The following FYB1 variants were observed in gnomAD, a reference collection of about 807,000 sequenced individuals.
FYB1 encodes FYN-binding protein 1.
FYB1 carries 41 observed loss-of-function variants against 94.1 expected under a neutral mutation model. That is an observed-to-expected ratio of 0.44 (90% CI 0.34 to 0.57). The LOEUF (loss-of-function observed/expected upper bound fraction) is 0.57. FYB1 is among the 20% of genes least tolerant of loss of function. The probability of loss-of-function intolerance (pLI) is 0.02; values close to 1 mark genes in which losing one functional copy is unlikely to be tolerated. For synonymous variants in FYB1, 367 were observed against 353.2 expected, an observed-to-expected ratio of 1.04 and a Z score of -0.44; for missense variants, 1,050 against 976.8, an observed-to-expected ratio of 1.07 and a Z score of -1.00.
At chr5:39,252,289 AGT>A (rs3085948) in intron 1 of FYB1, among the ~76,000 whole-genome samples, 48,731 of 152,070 alleles carry the variant, frequency 0.32, 9,452 homozygotes, top group African/African-American at 0.55. Context: ...GATTATGAAG[AGT>A]GTGTAAGAAT....
chr5:39,170,619 TC>T (rs1262471278), intron 2 of FYB1, among the ~76,000 whole-genome samples: 5 of 152,240 alleles, frequency 3.3e-5, no homozygotes, highest in Admixed American at 2.0e-4. Context: ...AGTAGCCTCC[TC>T]ACCAGTTTTT....
At chr5:39,160,688 G>A (rs1321817830) in intron 2 of FYB1, among the ~76,000 whole-genome samples, 6 of 152,126 alleles carry the variant, frequency 3.9e-5, no homozygotes, top group Non-Finnish European at 8.8e-5. Flanking sequence ...ATTAAAATGG[G>A]ACTACTGACT....
At chr5:39,165,158 G>A (rs1272062787) in intron 2 of FYB1, among the ~76,000 whole-genome samples, 1 of 152,104 alleles carries the variant, frequency 6.6e-6, no homozygotes, top group Non-Finnish European at 1.5e-5. Flanking sequence ...TCATATGGAA[G>A]CAAAAAGAGC....
intron 2 of FYB1, among the ~76,000 whole-genome samples, chr5:39,162,030 A>T (rs962682471): frequency 6.6e-6 from 1 of 152,202 alleles, no homozygotes; most frequent in African/African-American, 2.4e-5. Context: ...TAATATTACT[A>T]TCTTATGGCT....
intron 1 of FYB1, among the ~76,000 whole-genome samples, chr5:39,259,076 T>C (rs10039316): frequency 0.31 from 46,814 of 150,442 alleles, 8,513 homozygotes; most frequent in African/African-American, 0.53. Context: ...TTTTGCCCCC[T>C]CACACCACCA....
At chr5:39,260,167 T>C (rs1752153147) in intron 1 of FYB1, among the ~76,000 whole-genome samples, 2 of 152,164 alleles carry the variant, frequency 1.3e-5, no homozygotes, top group South Asian at 4.1e-4. Context: ...AATGATAGAG[T>C]AATGGCTTTG....
rs779881721 is a variant in FYB1, at chr5:39,125,986, G to T, written c.2045+12C>A. 5 of 1,612,208 alleles carry T rather than the reference G, an allele frequency of 3.1e-6. No homozygotes were observed. The highest frequency in any genetic ancestry group is 1.7e-5 in the Admixed American group (1 of 59,828). ...AGTTATTGTACACTGGATTTGGTTG[G>T]TTGACTCTTACGATGAACCTTCATT... is the stretch of plus-strand genomic sequence containing the variant. On this transcript the variant is annotated intron_variant, in intron 12 of 18. Transcript: ENST00000512982.
At chr5:39,130,036 A>T (rs1000529415) in intron 10 of FYB1, among the ~76,000 whole-genome samples, 2 of 151,978 alleles carry the variant, frequency 1.3e-5, no homozygotes, top group Non-Finnish European at 1.5e-5. Flanking sequence ...GGATAAAGAA[A>T]ATTTTGTCTA....
intron 1 of FYB1, among the ~76,000 whole-genome samples, chr5:39,206,487 C>A (rs1748869284): frequency 6.6e-6 from 1 of 152,012 alleles, no homozygotes; most frequent in Admixed American, 6.6e-5. Context: ...AATATCTATT[C>A]AATTATCTAG....
At chr5:39,153,897 C>T (rs149673742) in intron 2 of FYB1, among the ~76,000 whole-genome samples, 65 of 152,210 alleles carry the variant, frequency 4.3e-4, no homozygotes, top group African/African-American at 1.4e-3. Flanking sequence ...CCTCAGCCTC[C>T]TGAGTAGCTG....
intron 9 of FYB1, among the ~76,000 whole-genome samples, chr5:39,132,990 G>A (rs1741339606): frequency 6.6e-6 from 1 of 152,176 alleles, no homozygotes; most frequent in Non-Finnish European, 1.5e-5. Flanking sequence ...TGCATTGTAT[G>A]TTTTGGTATA....
chr5:39,147,474 G>GTGTGTC (rs1277064458), intron 3 of FYB1, among the ~76,000 whole-genome samples: 1 of 151,066 alleles, frequency 6.6e-6, no homozygotes, highest in Non-Finnish European at 1.5e-5. Context: ...GTGTGTGTGT[G>GTGTGTC]TGTGTGTGTG....
chr5:39,118,757 T>C (rs1739796246), intron 16 of FYB1, 117 bp downstream of exon 16: 3 of 587,102 alleles, frequency 5.1e-6, no homozygotes, highest in Non-Finnish European at 8.2e-6. Flanking sequence ...TTACAAAGGA[T>C]AGGGCAAAAA....
chr5:39,271,116 T>C (rs147130028), intron 1 of FYB1, among the ~76,000 whole-genome samples: 95 of 152,200 alleles, frequency 6.2e-4, no homozygotes, highest in African/African-American at 2.2e-3. Context: ...ATAATCATTA[T>C]TAAAAAGAGC....
At chr5:39,171,546 T>C (rs934039792) in intron 2 of FYB1, among the ~76,000 whole-genome samples, 1 of 152,102 alleles carries the variant, frequency 6.6e-6, no homozygotes. Context: ...TGATATAAAA[T>C]AAATGGTGGG....
chr5:39,137,684 C>G lies in FYB1; in HGVS notation c.1431G>C (p.Lys477Asn). 2.6e-6 allele frequency: 4 copies of G among 1,544,808 alleles called. No homozygotes were observed. Among genetic ancestry groups the G allele is most frequent in the Non-Finnish European group, 3.5e-6 (4 of 1,141,066 alleles). ...ASKEREKKREKEEKKRLELEK... is the reference protein window; with the variant it reads ...ASKEREKKRENEEKKRLELEK... ...CCAGCTCTAACCTCTTCTTTTCTTC[C>G]TTTTCCCTTTTCTTCTCTCTTTCTT... is the stretch of plus-strand genomic sequence containing the variant. Residue 477 changes from lysine (K) to asparagine (N), a missense_variant, in exon 7 of 19, where the codon AAG becomes AAC. Physicochemically the swap from Lys to Asn is moderately conservative, Grantham distance 94. Transcript: ENST00000512982.
At chr5:39,126,200 C>T (rs955063285) in intron 11 of FYB1, 65 bp from the exon 12 acceptor site, 1 of 1,526,358 alleles carries the variant, frequency 6.6e-7, no homozygotes, top group Non-Finnish European at 8.9e-7. Flanking sequence ...ATTGTGTGGA[C>T]ATTCAGATTC....
chr5:39,141,271 A>T, intron 3 of FYB1, 130 bp from the exon 4 acceptor site: 1 of 685,880 alleles, frequency 1.5e-6, no homozygotes, highest in South Asian at 1.8e-5. Context: ...AAAGCTTCAG[A>T]CATCACTAGC....
chr5:39,164,612 C>G (rs979072889), intron 2 of FYB1, among the ~76,000 whole-genome samples: 4 of 152,060 alleles, frequency 2.6e-5, no homozygotes, highest in Admixed American at 2.6e-4. Context: ...TTAGTAGAGA[C>G]AGGATTTCAC....
Sources: allele counts gnomAD v4.1 joint callset (sites outside exome capture counted in the v4.1 genomes callset), GRCh38; gene constraint gnomAD v4.1.1; transcripts MANE v1.5; gene names NCBI Gene and HGNC (gene_info 2026-07-23, HGNC 2026-07-21).